Variants in MTFR1 observed in about 807,000 individuals in gnomAD.
MTFR1 encodes the protein chondrocyte protein with a poly-proline region.
Under a neutral mutation model 38.8 loss-of-function variants are expected in MTFR1, and 28 were observed. That is an observed-to-expected ratio of 0.72 (90% CI 0.53 to 0.99). MTFR1 has a LOEUF of 0.99. Ranked by LOEUF, MTFR1 falls within the 50% of genes least tolerant of loss-of-function variation. The pLI is 0.00. For synonymous variants in MTFR1, 145 were observed against 137.0 expected, an observed-to-expected ratio of 1.06 and a Z score of -0.41; for missense variants, 358 against 395.5, an observed-to-expected ratio of 0.91 and a Z score of 0.81.
intron 3 of MTFR1, among the ~76,000 whole-genome samples, chr8:65,728,820 A>T (rs146884200): frequency 6.6e-5 from 10 of 152,344 alleles, no homozygotes; most frequent in Admixed American, 3.3e-4. Flanking sequence ...GATTTAAAAA[A>T]TTAATGTATG....
intron 6 of MTFR1, 146 bp from the exon 7 acceptor site, chr8:65,707,697 A>G (rs1805824882): frequency 9.8e-7 from 1 of 1,016,660 alleles, no homozygotes; most frequent in African/African-American, 1.6e-5. Flanking sequence ...CTAGGCTTCC[A>G]TCTCAATGCT....
chr8:65,693,205 C>T (rs571959030), intron 3 of MTFR1, among the ~76,000 whole-genome samples: 7 of 151,974 alleles, frequency 4.6e-5, no homozygotes, highest in East Asian at 1.9e-4. Flanking sequence ...GTTCGAGACC[C>T]GCCTGGTCAA....
intron 3 of MTFR1, chr8:65,725,352 G>C (rs1216089716): frequency 6.4e-6 from 1 of 155,820 alleles, no homozygotes; most frequent in Non-Finnish European, 1.4e-5. Flanking sequence ...GATTCAAATA[G>C]AAAGAATAAT....
chr8:65,751,828 T>C (rs1807983233), intron 3 of MTFR1, among the ~76,000 whole-genome samples: 1 of 152,188 alleles, frequency 6.6e-6, no homozygotes, highest in Non-Finnish European at 1.5e-5. Context: ...TATAGAAACA[T>C]ATTATTTTTC....
intron 5 of MTFR1, 101 bp downstream of exon 5, chr8:65,705,030 G>A: frequency 1.9e-6 from 2 of 1,053,894 alleles, no homozygotes; most frequent in Admixed American, 2.2e-5. Context: ...GGGGTTCTTA[G>A]AAAACCAGGT....
chr8:65,721,796 C>CT (rs1563468523), intron 3 of MTFR1: 1 of 146,478 alleles, frequency 6.8e-6, no homozygotes, highest in Non-Finnish European at 1.5e-5. Context: ...CTCTTTTGTC[C>CT]ATTTTTTTTT....
At chr8:65,715,713 C>T (rs543503065) in intron 2 of MTFR1, among the ~76,000 whole-genome samples, 23 of 138,542 alleles carry the variant, frequency 1.7e-4, no homozygotes, top group Admixed American at 1.5e-3. Context: ...TGGCCGGGCA[C>T]GGTGGCTCAC....
exon 4 of MTFR1, chr8:65,771,154 A>C: frequency 4.4e-6 from 1 of 225,438 alleles, no homozygotes; most frequent in South Asian, 5.1e-5. Flanking sequence ...ATTGCTCCTT[A>C]ACTGGTCAGG....
At chr8:65,669,850 G>A (rs1804517721) in intron 1 of MTFR1, 23 bp from the exon 2 acceptor site, 2 of 872,424 alleles carry the variant, frequency 2.3e-6, no homozygotes, top group African/African-American at 1.7e-5. Context: ...TTTCATTTTA[G>A]TATTTGCATT....
rs371620919 is a variant in MTFR1, at chr8:65,750,474, CTGTGTGTGTG to C, written c.*49-20453_*49-20444del. Among the ~76,000 whole-genome samples, 37 of 142,728 alleles carry C rather than the reference CTGTGTGTGTG, an allele frequency of 2.6e-4. No individual in the cohort carries two copies. The East Asian group carries it at 7.0e-3, about 27-fold the overall frequency. 93.6% of individuals were successfully genotyped at this position (142,728 alleles called of 152,430 possible). On this transcript the variant is annotated intron_variant, in intron 3 of 3. Transcript: ENST00000521247. ...TATGTATATATGTAAATTAGAATCA[CTGTGTGTGTG>C]TGTGTGTGTGTGTGTGTGTCTGTGT...
intron 3 of MTFR1, chr8:65,728,579 GA>G (rs1806705101): frequency 6.6e-6 from 1 of 152,094 alleles, no homozygotes; most frequent in African/African-American, 2.4e-5. Flanking sequence ...CAAAAGCATT[GA>G]AAAAATAAAG....
chr8:65,765,263 G>A (rs1379548502), intron 3 of MTFR1, among the ~76,000 whole-genome samples: 4 of 151,800 alleles, frequency 2.6e-5, no homozygotes, highest in Admixed American at 1.3e-4. Context: ...GCCGAGGCGG[G>A]CGGATCACGA....
chr8:65,773,150 G>C (rs550601480), downstream of MTFR1, among the ~76,000 whole-genome samples: 8 of 152,284 alleles, frequency 5.3e-5, no homozygotes, highest in South Asian at 1.7e-3. Context: ...GCAGGAGCAC[G>C]TGCTCATTTC....
At chr8:65,752,001 C>T (rs911426464) in intron 3 of MTFR1, among the ~76,000 whole-genome samples, 2 of 152,100 alleles carry the variant, frequency 1.3e-5, no homozygotes, top group African/African-American at 4.8e-5. Flanking sequence ...TCTATTTAGC[C>T]AGTCCTCTAC....
At chr8:65,689,274 A>C (rs1448545088) in intron 3 of MTFR1, among the ~76,000 whole-genome samples, 1 of 152,228 alleles carries the variant, frequency 6.6e-6, no homozygotes, top group Non-Finnish European at 1.5e-5. Flanking sequence ...TGTTGTGTTT[A>C]TTTTATGAAG....
chr8:65,666,392 T>C (rs761285072), intron 1 of MTFR1, among the ~76,000 whole-genome samples: 25 of 152,178 alleles, frequency 1.6e-4, no homozygotes, highest in Non-Finnish European at 2.9e-5. Context: ...GGCGATGGAG[T>C]GAGACTTTGT....
chr8:65,683,653 C>T (rs766289063), intron 3 of MTFR1, among the ~76,000 whole-genome samples: 2 of 152,032 alleles, frequency 1.3e-5, no homozygotes, highest in Admixed American at 6.6e-5. Flanking sequence ...CATGTGTACC[C>T]GTTTGATAAC....
intron 3 of MTFR1, among the ~76,000 whole-genome samples, chr8:65,737,665 C>T (rs958745082): frequency 2.6e-5 from 4 of 152,044 alleles, no homozygotes; most frequent in Admixed American, 2.0e-4. Flanking sequence ...ATTACAGGCA[C>T]ATGCCTCCAC....
At chr8:65,699,191 T>C (rs1415900276) in intron 4 of MTFR1, among the ~76,000 whole-genome samples, 2 of 152,218 alleles carry the variant, frequency 1.3e-5, no homozygotes, top group Non-Finnish European at 2.9e-5. Flanking sequence ...TCTGTGACTG[T>C]GTAGTATTCC....
Sources: gnomAD v4.1 joint callset for allele counts (sites outside exome capture counted in the v4.1 genomes callset) on GRCh38, gnomAD v4.1.1 for gene constraint, MANE v1.5 for transcripts, NCBI Gene and HGNC (gene_info 2026-07-23, HGNC 2026-07-21) for gene names.